The following CDH13 variants were observed in gnomAD, a reference collection of about 807,000 sequenced individuals.
CDH13 encodes cadherin-13.
In CDH13, 24 loss-of-function variants were observed where a neutral mutation model predicts 63.8. The ratio of observed to expected loss-of-function variants is 0.38; its 90% CI spans 0.27 to 0.53. The LOEUF (loss-of-function observed/expected upper bound fraction) is 0.53. Among genes scored for constraint, CDH13 ranks in the 20% least tolerant of loss-of-function variants. CDH13 has a pLI of 0.85. For missense variants in CDH13, 1,049 were observed against 903.1 expected, an observed-to-expected ratio of 1.16 and a Z score of -2.07; for synonymous variants, 503 against 355.3, an observed-to-expected ratio of 1.42 and a Z score of -4.67.
At chr16:83,221,139 C>G (rs1193343690) in intron 5 of CDH13, among the ~76,000 whole-genome samples, 2 of 152,248 alleles carry the variant, frequency 1.3e-5, no homozygotes, top group African/African-American at 4.8e-5. Flanking sequence ...AAGAAACACT[C>G]TTCCTATTTT....
At chr16:83,579,991 T>C (rs1905406417) in intron 7 of CDH13, among the ~76,000 whole-genome samples, 1 of 151,916 alleles carries the variant, frequency 6.6e-6, no homozygotes, top group Admixed American at 6.6e-5. Flanking sequence ...TTTCAAAGGC[T>C]CAGAAGTAGA....
intron 2 of CDH13, among the ~76,000 whole-genome samples, chr16:83,020,918 C>G (rs897039781): frequency 6.6e-5 from 10 of 152,224 alleles, no homozygotes; most frequent in African/African-American, 2.4e-4. Flanking sequence ...ACTGCAAGGC[C>G]AAACACCCTG....
At chr16:83,570,284 G>A (rs1904452624) in intron 7 of CDH13, among the ~76,000 whole-genome samples, 1 of 152,102 alleles carries the variant, frequency 6.6e-6, no homozygotes. Context: ...TTGAGGACTA[G>A]CAAAAGAGCC....
At chr16:82,986,204 T>C (rs1597360401) in intron 2 of CDH13, among the ~76,000 whole-genome samples, 1 of 152,204 alleles carries the variant, frequency 6.6e-6, no homozygotes, top group Non-Finnish European at 1.5e-5. Flanking sequence ...TAGAGATCAA[T>C]ACTGTCCCTA....
chr16:82,714,779 C>T (rs1007637201), intron 1 of CDH13, among the ~76,000 whole-genome samples: 1 of 133,942 alleles, frequency 7.5e-6, no homozygotes, highest in South Asian at 2.8e-4. Context: ...ATGATGGAGG[C>T]AAAAACTGGG....
chr16:83,364,123 G>T (rs1433254239), intron 6 of CDH13, among the ~76,000 whole-genome samples: 1 of 152,150 alleles, frequency 6.6e-6, no homozygotes, highest in African/African-American at 2.4e-5. Context: ...ATTTTGGAGG[G>T]TCATTTATTT....
chr16:83,310,231 C>T (rs550556928), intron 5 of CDH13, among the ~76,000 whole-genome samples: 5 of 152,166 alleles, frequency 3.3e-5, no homozygotes, highest in South Asian at 2.1e-4. Context: ...CTGTAATATT[C>T]CCTGTCAAAT....
chr16:83,228,370 G>T (rs2039903953), intron 5 of CDH13, among the ~76,000 whole-genome samples: 2 of 152,162 alleles, frequency 1.3e-5, no homozygotes, highest in African/African-American at 2.4e-5. Flanking sequence ...TTATTGCATG[G>T]TTTGTTTGCT....
chr16:82,996,120 G>A (rs1372350947), intron 2 of CDH13, among the ~76,000 whole-genome samples: 4 of 152,032 alleles, frequency 2.6e-5, no homozygotes, highest in Non-Finnish European at 5.9e-5. Context: ...CCTTCGGGCA[G>A]ATGAAATAAT....
At chr16:83,777,943 C>G (rs1023470519) in intron 11 of CDH13, among the ~76,000 whole-genome samples, 1 of 152,160 alleles carries the variant, frequency 6.6e-6, no homozygotes, top group Non-Finnish European at 1.5e-5. Flanking sequence ...CTGATAAGAA[C>G]AGATCTGTAC....
At chr16:82,687,390 C>T (rs573915665) in intron 1 of CDH13, among the ~76,000 whole-genome samples, 6 of 152,242 alleles carry the variant, frequency 3.9e-5, no homozygotes, top group East Asian at 1.9e-4. Context: ...GGTTCTCAAG[C>T]TGCTAATAAA....
intron 1 of CDH13, among the ~76,000 whole-genome samples, chr16:82,686,847 A>C (rs117405863): frequency 6.6e-6 from 1 of 152,220 alleles, no homozygotes. Context: ...CATGTGGAAC[A>C]ACACAGGGAA....
chr16:83,628,661 C>G (rs1017201875), intron 8 of CDH13, among the ~76,000 whole-genome samples: 1 of 152,154 alleles, frequency 6.6e-6, no homozygotes, highest in Non-Finnish European at 1.5e-5. Context: ...TGTGTCCTCT[C>G]TATCTAGTCG....
chr16:83,216,397 AAT>A (rs1158270310), intron 4 of CDH13, among the ~76,000 whole-genome samples: 787 of 16,086 alleles, frequency 0.049, 78 homozygotes, highest in African/African-American at 0.091. Context: ...CCAGCATTGA[AAT>A]ATATATATAT....
chr16:83,033,706 C>T (rs946549403), intron 3 of CDH13, among the ~76,000 whole-genome samples: 4 of 152,138 alleles, frequency 2.6e-5, no homozygotes, highest in South Asian at 2.1e-4. Context: ...TCAGGCTTCC[C>T]GATTGTGCCA....
chr16:83,151,433 C>A (rs540356776), intron 4 of CDH13, among the ~76,000 whole-genome samples: 42 of 152,172 alleles, frequency 2.8e-4, no homozygotes, highest in Non-Finnish European at 4.1e-4. Context: ...GGGAATATGC[C>A]CCTGTGAAAT....
intron 1 of CDH13, among the ~76,000 whole-genome samples, chr16:82,776,051 A>C (rs2035480990): frequency 6.6e-6 from 1 of 152,156 alleles, no homozygotes; most frequent in Non-Finnish European, 1.5e-5. Flanking sequence ...CTCTCCTAAA[A>C]ATACAAAAAT....
intron 5 of CDH13, among the ~76,000 whole-genome samples, chr16:83,227,311 C>T (rs79635378): frequency 2.0e-5 from 3 of 152,278 alleles, no homozygotes; most frequent in African/African-American, 4.8e-5. Context: ...TGACATCTCC[C>T]GCAGTGGTCC....
intron 1 of CDH13, among the ~76,000 whole-genome samples, chr16:82,748,960 C>T (rs1308213638): frequency 6.6e-6 from 1 of 152,160 alleles, no homozygotes; most frequent in South Asian, 2.1e-4. Context: ...GATCTAGACA[C>T]ATTTATGACC....
Sources: allele counts gnomAD v4.1 joint callset (sites outside exome capture counted in the v4.1 genomes callset), GRCh38; gene constraint gnomAD v4.1.1; transcripts MANE v1.5; gene names NCBI Gene and HGNC (gene_info 2026-07-23, HGNC 2026-07-21).